The following PSMC3 variants were observed in gnomAD, a reference collection of about 807,000 sequenced individuals.
The protein encoded by PSMC3 is proteasome 26S subunit, ATPase 3.
In PSMC3, 11 loss-of-function variants were observed where a neutral mutation model predicts 52.0. That is an observed-to-expected ratio of 0.21 (90% CI 0.13 to 0.35). PSMC3 has a LOEUF of 0.35. Among genes scored for constraint, PSMC3 ranks in the 10% least tolerant of loss-of-function variants. PSMC3 has a pLI of 1.00. For synonymous variants in PSMC3, 201 were observed against 218.8 expected (o/e 0.92, Z 0.72); for missense variants, 238 against 567.1 (o/e 0.42, Z 5.89).
chr11:47,418,794 T>C lies in PSMC3; in HGVS notation c.*41A>G, dbSNP rs1352806902. The stretch of plus-strand genomic sequence containing the variant: ...GGCAGGGACCCTAAACCATCTTTTA[T>C]TGCGCACTTCAGCCGTGAGACTGGG... On this transcript the variant is annotated 3_prime_UTR_variant, in exon 12 of 12. Coordinates refer to ENST00000298852, the MANE Select transcript of PSMC3 (RefSeq NM_002804.5). The C allele has an allele frequency of 1.3e-5, 20 of 1,562,212 alleles. No homozygotes were observed. Among genetic ancestry groups the C allele is most frequent in the Admixed American group, 5.1e-5 (3 of 59,392 alleles).
In PSMC3 at chr11:47,426,393, GACTCTTGA is replaced by G; in HGVS notation, c.-122_-115del. The G allele has an allele frequency of 2.0e-6, 2 of 995,110 alleles. No individual in the cohort carries two copies. Among genetic ancestry groups the G allele is most frequent in the Non-Finnish European group, 2.9e-6 (2 of 689,150 alleles). The allele number at this position is 995,110 out of a possible 1,614,324, so 61.6% of individuals were successfully genotyped here. The stretch of plus-strand genomic sequence containing the variant: ...TGGAAAACCTCTCCCCACAAATCCC[GACTCTTGA>G]CCCGACCAGCTCCGGCCGTGCTGCG... On this transcript the variant is annotated 5_prime_UTR_variant, in exon 1 of 12. Transcript: ENST00000298852.
In PSMC3 at chr11:47,420,312, T is replaced by G; in HGVS notation, c.1079A>C (p.Glu360Ala). Residue 360 changes from glutamate to alanine, a missense_variant, in exon 10 of 12, where the codon GAG (glutamate) becomes GCG (alanine). Coordinates refer to ENST00000298852, the MANE Select transcript of PSMC3 (RefSeq NM_002804.5). ...GATCTGCATGATTCTGGCCCGGGCC[T>G]CCTCATTGGGCATCGGGAACTCTAT... ...RKIEFPMPNE[E>A]ARARIMQIHS... 1.9e-6 allele frequency: 3 copies of G among 1,614,162 alleles called. No homozygotes were observed. The highest frequency in any genetic ancestry group is 2.5e-6 in the Non-Finnish European group (3 of 1,180,034).
At chr11:47,420,791 T>C (rs1166399872) in intron 8 of PSMC3, 64 bp from the exon 9 acceptor site, 8 of 1,446,290 alleles carry the variant, frequency 5.5e-6, no homozygotes, top group East Asian at 5.0e-5. Context: ...TCCCCTCCTC[T>C]ACCCCCTGGA....
At position 47,424,024 on chromosome 11, in the gene PSMC3, G is replaced by C; in HGVS notation, c.591+22C>G. The C allele has an allele frequency of 6.2e-7, 1 of 1,614,092 alleles. No individual in the cohort carries two copies. Among genetic ancestry groups the C allele is most frequent in the Non-Finnish European group, 8.5e-7 (1 of 1,179,984 alleles). On this transcript the variant is annotated intron_variant, in intron 6 of 11. Transcript: ENST00000298852. The surrounding 1 kb of genome is among the most constrained non-coding windows in gnomAD (Gnocchi z 4.8). ...AACTAAAAGGCTGACAAGGCTGCTG[G>C]CAGCTGCCGTGCCTCCCTCACCTCC...
At chr11:47,419,580 C>T (rs1212933054) in intron 10 of PSMC3, among the ~76,000 whole-genome samples, 4 of 152,112 alleles carry the variant, frequency 2.6e-5, no homozygotes, top group African/African-American at 7.2e-5. Flanking sequence ...GAGGCTGAGG[C>T]CGGGCGTGGT....
Position 47,420,367 on chromosome 11 carries a change from G to A in PSMC3, c.1024C>T (p.Leu342Phe), listed in dbSNP as rs1431179366. ...CGGTCAAGGCGGCCCGAGCGGAGGA[G>A]GGCGGGGTCCAGGATGTCCACCCTG... ...TNRVDILDPA[L>F]LRSGRLDRKI... The change falls in exon 10 of 12, where the codon CTC (leucine) becomes TTC (phenylalanine). Residue 342 changes from leucine to phenylalanine, a missense_variant. Around this residue, in one of 6 missense-constraint regions of PSMC3, gnomAD observed 46 missense variants for 172.9 expected, o/e 0.27. Coordinates refer to ENST00000298852, the MANE Select transcript of PSMC3 (RefSeq NM_002804.5). 1 of 1,614,172 alleles carries A rather than the reference G, an allele frequency of 6.2e-7. No individual in the cohort carries two copies. Among genetic ancestry groups the A allele is most frequent in the Non-Finnish European group, 8.5e-7 (1 of 1,180,004 alleles).
intron 2 of PSMC3, chr11:47,425,584 G>A: frequency 3.8e-6 from 2 of 531,392 alleles, no homozygotes; most frequent in Non-Finnish European, 6.6e-6. Context: ...CTGTAAAATA[G>A]GCATTTTACT....
rs773742401 is a variant in PSMC3, at chr11:47,425,166, G to C, written c.240C>G (p.Ile80Met). The C allele has an allele frequency of 6.2e-7, 1 of 1,614,002 alleles. No individual in the cohort carries two copies. Among genetic ancestry groups the C allele is most frequent in the African/African-American group, 1.3e-5 (1 of 74,888 alleles). Residue 80 changes from isoleucine to methionine, a missense_variant, in exon 3 of 12, where the codon ATC (isoleucine) becomes ATG (methionine). By Grantham distance (10) the Ile-to-Met change is conservative. Around this residue, in one of 6 missense-constraint regions of PSMC3, gnomAD observed 21 missense variants for 95.6 expected, o/e 0.22. Coordinates refer to ENST00000298852, the MANE Select transcript of PSMC3 (RefSeq NM_002804.5). ...GGTACGGCAGGGTCTTGTTCACTTT[G>C]ATTTTCTCACTGTTCTCTTTTATCT... ...KDKIKENSEKIKVNKTLPYLV... is the reference protein window; with the variant it reads ...KDKIKENSEKMKVNKTLPYLV...
At chr11:47,419,601 TATAATCCCAG>T (rs1247878688) in intron 10 of PSMC3, among the ~76,000 whole-genome samples, 113 of 152,252 alleles carry the variant, frequency 7.4e-4, no homozygotes, top group African/African-American at 2.6e-3. Context: ...GGCTCATACC[TATAATCCCAG>T]CACTTTGGGA....
chr11:47,425,596 AAAG>A, intron 2 of PSMC3: 3 of 537,092 alleles, frequency 5.6e-6, no homozygotes, highest in Non-Finnish European at 9.8e-6. Flanking sequence ...CATTTTACTA[AAAG>A]AAGGATTCTT....
chr11:47,422,992 G>A lies in PSMC3; in HGVS notation c.592-19C>T, dbSNP rs770567707. On this transcript the variant is annotated intron_variant, in intron 6 of 11. Transcript: ENST00000298852. This position sits in a 1 kb window ranked among gnomAD's most constrained non-coding sequence, Gnocchi z 4.3. ...CCACCAGCTGCCAGGAGGAAGTCCTGGGTGAGGAGATGAAGCCCTGAGGGC... is the reference window on the plus strand; with the variant it reads ...CCACCAGCTGCCAGGAGGAAGTCCTAGGTGAGGAGATGAAGCCCTGAGGGC... 4.4e-6 allele frequency: 7 copies of A among 1,596,510 alleles called. No individual in the cohort carries two copies. The highest frequency in any genetic ancestry group is 1.3e-5 in the African/African-American group (1 of 74,174).
intron 8 of PSMC3, among the ~76,000 whole-genome samples, chr11:47,421,374 G>A (rs1595891694): frequency 1.3e-5 from 2 of 151,928 alleles, no homozygotes; most frequent in Admixed American, 6.6e-5. Context: ...AGCCTTGGAC[G>A]GTGCTGTACA....
chr11:47,425,276 A>T, intron 2 of PSMC3, 30 bp from the exon 3 acceptor site: 1 of 1,613,404 alleles, frequency 6.2e-7, no homozygotes, highest in Non-Finnish European at 8.5e-7. Flanking sequence ...AGAAGCAAAT[A>T]TAAACCCTGG....
chr11:47,425,321 T>A, intron 2 of PSMC3, 75 bp from the exon 3 acceptor site: 2 of 1,582,876 alleles, frequency 1.3e-6, no homozygotes, highest in South Asian at 2.2e-5. Context: ...ACTAGTGAGG[T>A]CCAGGGTGCC....
In PSMC3 at chr11:47,420,256, C is replaced by T. The variant is rs371905996; in HGVS notation, c.1127+8G>A. ...AGGTCTCTGTGCCCTGCCCGTGCTC[C>T]TGCTCACCTGACATTCATCTTTCGG... On this transcript the variant is annotated splice_region_variant and intron_variant, in intron 10 of 11. Coordinates refer to ENST00000298852, the MANE Select transcript of PSMC3 (RefSeq NM_002804.5). 27 of 1,613,944 alleles carry T rather than the reference C, an allele frequency of 1.7e-5. No homozygotes were observed. The African/African-American group carries it at 3.6e-4, about 22-fold the overall frequency.
rs1315478498 is a variant in PSMC3 at position 47,422,951 on chromosome 11, G to A, written c.614C>T (p.Pro205Leu). ...CTCAAACTTCTCCTTGTGGTTCATT[G>A]GCAAGACAATGGCCTCCACCAGCTG... The part of the protein sequence containing the change: ...IQELVEAIVL[P>L]MNHKEKFENL... The change falls in exon 7 of 12, where the codon CCA (proline) becomes CTA (leucine). Residue 205 changes from proline (P) to leucine (L), a missense_variant. By Grantham distance (98) the Pro-to-Leu change is moderately conservative. Transcript: ENST00000298852. The surrounding 1 kb of genome is among the most constrained non-coding windows in gnomAD (Gnocchi z 4.3). 9 of 1,612,724 alleles carry A rather than the reference G, an allele frequency of 5.6e-6. No homozygotes were observed. The highest frequency in any genetic ancestry group is 6.8e-6 in the Non-Finnish European group (8 of 1,179,358).
Position 47,425,541 on chromosome 11 carries a change from G to A in PSMC3, c.160-295C>T, listed in dbSNP as rs567337917. The A allele has an allele frequency of 2.5e-5, 14 of 554,254 alleles. No homozygotes were observed. In the South Asian group the frequency reaches 3.1e-4, roughly 12 times the overall value. 34.3% of individuals were successfully genotyped at this position (554,254 alleles called of 1,614,324 possible). A position where few individuals can be genotyped will look rare whatever the true frequency, so the allele number is the denominator to read the frequency against. ...CATAGTAAGAACTGGGTGCTTTATC[G>A]CAGTACAAACCTCTCTGGGCCTGTC... On this transcript the variant is annotated intron_variant, in intron 2 of 11. Transcript: ENST00000298852.
chr11:47,419,047 G>A (rs1378178586), intron 11 of PSMC3, 69 bp downstream of exon 11: 11 of 1,607,954 alleles, frequency 6.8e-6, no homozygotes, highest in African/African-American at 1.3e-5. Context: ...CCAGCCAAAT[G>A]CCCCCATCCT....
chr11:47,420,519 T>A, intron 9 of PSMC3, 110 bp from the exon 10 acceptor site: 1 of 1,518,616 alleles, frequency 6.6e-7, no homozygotes, highest in Non-Finnish European at 9.0e-7. Flanking sequence ...ACACATGGGA[T>A]GTTAAAGACA....
Sources: gnomAD v4.1 joint callset for allele counts (sites outside exome capture counted in the v4.1 genomes callset) on GRCh38, gnomAD v4.1.1 for gene constraint, gnomAD v4.1.1 regional missense constraint, Gnocchi (gnomAD v3.1) non-coding constraint, MANE v1.5 for transcripts, NCBI Gene and HGNC (gene_info 2026-07-23, HGNC 2026-07-21) for gene names.